Variants in GRIN3A observed in about 807,000 individuals in gnomAD.
GRIN3A encodes the protein glutamate ionotropic receptor NMDA type subunit 3A, also known as glutamate receptor ionotropic, NMDA 3A.
In GRIN3A, 47 loss-of-function variants were observed where a neutral mutation model predicts 92.4. The ratio of observed to expected loss-of-function variants is 0.51; its 90% CI spans 0.40 to 0.65. The LOEUF is 0.65. GRIN3A is among the 30% of genes least tolerant of loss of function. The pLI, the probability that GRIN3A is intolerant of heterozygous loss-of-function variation, is 0.00. For missense variants in GRIN3A, 1,324 were observed against 1,393.1 expected, an observed-to-expected ratio of 0.95 and a Z score of 0.79; for synonymous variants, 527 against 540.6, an observed-to-expected ratio of 0.97 and a Z score of 0.35.
chr9:101,623,236 T>G, intron 5 of GRIN3A, 82 bp downstream of exon 5: 1 of 889,306 alleles, frequency 1.1e-6, no homozygotes, highest in South Asian at 1.3e-5. Context: ...TCTTTGCTTC[T>G]GACTTTGGCA....
chr9:101,612,204 C>T (rs192953373), intron 6 of GRIN3A, among the ~76,000 whole-genome samples: 34 of 152,188 alleles, frequency 2.2e-4, no homozygotes, highest in African/African-American at 7.7e-4. Context: ...GGCTTGGACT[C>T]GAGTGACAAC....
intron 1 of GRIN3A, among the ~76,000 whole-genome samples, chr9:101,708,646 C>T (rs892880854): frequency 1.3e-5 from 2 of 152,060 alleles, no homozygotes; most frequent in East Asian, 3.8e-4. Flanking sequence ...GCTAAGAGAT[C>T]CAGAATTAAA....
At chr9:101,655,901 A>G (rs1829083839) in intron 3 of GRIN3A, among the ~76,000 whole-genome samples, 1 of 151,988 alleles carries the variant, frequency 6.6e-6, no homozygotes, top group Non-Finnish European at 1.5e-5. Flanking sequence ...AGTATGTAAT[A>G]CTTTTTCCAC....
intron 3 of GRIN3A, among the ~76,000 whole-genome samples, chr9:101,665,144 A>G (rs1829222519): frequency 6.6e-6 from 1 of 152,020 alleles, no homozygotes; most frequent in South Asian, 2.1e-4. Context: ...TATTACATGC[A>G]ACAGAAATGT....
At chr9:101,633,603 G>A (rs188398254) in intron 3 of GRIN3A, among the ~76,000 whole-genome samples, 50 of 152,296 alleles carry the variant, frequency 3.3e-4, no homozygotes, top group African/African-American at 1.1e-3. Context: ...CTCCTGTAAG[G>A]TCAGCAGCGG....
chr9:101,610,831 G>T (rs906119575), intron 6 of GRIN3A, among the ~76,000 whole-genome samples: 4 of 152,132 alleles, frequency 2.6e-5, no homozygotes, highest in Admixed American at 1.3e-4. Context: ...AGGCGCGGTG[G>T]CTCATGCCTG....
chr9:101,651,776 T>C (rs1829018435), intron 3 of GRIN3A, among the ~76,000 whole-genome samples: 1 of 151,970 alleles, frequency 6.6e-6, no homozygotes, highest in East Asian at 1.9e-4. Context: ...TCTGAGCTGC[T>C]TCTGAGATTT....
At chr9:101,709,527 A>G (rs1829853066) in intron 1 of GRIN3A, among the ~76,000 whole-genome samples, 1 of 152,218 alleles carries the variant, frequency 6.6e-6, no homozygotes, top group Non-Finnish European at 1.5e-5. Context: ...CTAAGTTCTC[A>G]GAAGGACCTC....
intron 3 of GRIN3A, among the ~76,000 whole-genome samples, chr9:101,644,655 G>A (rs1828912967): frequency 1.3e-5 from 2 of 151,576 alleles, no homozygotes; most frequent in Non-Finnish European, 1.5e-5. Flanking sequence ...CAAGTAATTC[G>A]TGACTCCATT....
intron 1 of GRIN3A, among the ~76,000 whole-genome samples, chr9:101,727,780 G>T (rs1172670723): frequency 6.6e-6 from 1 of 150,964 alleles, no homozygotes; most frequent in Admixed American, 6.6e-5. Flanking sequence ...TTCTTGTCTT[G>T]TGAGACTGGA....
In GRIN3A at chr9:101,701,563, C is replaced by T. The variant is rs975158896; in HGVS notation, c.700-14363G>A. Among the ~76,000 whole-genome samples the T allele has an allele frequency of 6.6e-5, 10 of 151,982 alleles. No homozygotes were observed. The South Asian group carries it at 1.0e-3, about 16-fold the overall frequency. On this transcript the variant is annotated intron_variant, in intron 1 of 8. Coordinates refer to ENST00000361820, the MANE Select transcript of GRIN3A (RefSeq NM_133445.3). ...AGCCTCACTGTAAAACCCCAAACTA[C>T]GAAAACCCTAGGAAAACAAACAAAC...
chr9:101,671,080 G>A lies in GRIN3A; in HGVS notation c.1332C>T (p.Gly444=). The A allele has an allele frequency of 6.2e-7, 1 of 1,613,592 alleles. No homozygotes were observed. Among genetic ancestry groups the A allele is most frequent in the Non-Finnish European group, 8.5e-7 (1 of 1,179,534 alleles). ...SRFLANTTFR[G]LSGSIRVKGS... ...CTTTTACTCTGATGGAACCACTGAG[G>A]CCTCTGAAAGTGGTATTGGCTAGAA... Residue 444 remains glycine, a synonymous_variant, in exon 3 of 9, where the codon GGC becomes GGT. Transcript: ENST00000361820.
chr9:101,673,918 C>G (rs1829360794), intron 2 of GRIN3A, among the ~76,000 whole-genome samples: 1 of 152,054 alleles, frequency 6.6e-6, no homozygotes, highest in Non-Finnish European at 1.5e-5. Flanking sequence ...AGAGGTAAAT[C>G]TGGTGTCACT....
Position 101,670,744 on chromosome 9 carries a change from G to C in GRIN3A, c.1668C>G (p.Ser556Arg), listed in dbSNP as rs1303073103. ...PMTNDSSTLD[S>R]LFSSLHSSND... The stretch of plus-strand genomic sequence containing the variant: ...TACTGCTATGGAGGCTGCTAAAAAG[G>C]CTGTCCAATGTGGAAGAGTCATTAG... The change falls in exon 3 of 9, where the codon AGC becomes AGG. Residue 556 changes from serine to arginine, a missense_variant. Ser to Arg is a moderately radical substitution (Grantham distance 110). Transcript: ENST00000361820. 3.1e-6 allele frequency: 5 copies of C among 1,613,904 alleles called. No homozygotes were observed. The highest frequency in any genetic ancestry group is 1.3e-5 in the African/African-American group (1 of 74,902).
At chr9:101,673,125 T>C (rs1829351303) in intron 2 of GRIN3A, among the ~76,000 whole-genome samples, 1 of 152,144 alleles carries the variant, frequency 6.6e-6, no homozygotes, top group Non-Finnish European at 1.5e-5. Context: ...CCCTTCATTA[T>C]TTTAAGAATG....
chr9:101,709,517 C>CT (rs1380605264), intron 1 of GRIN3A, among the ~76,000 whole-genome samples: 5 of 152,292 alleles, frequency 3.3e-5, no homozygotes, highest in African/African-American at 1.2e-4. Context: ...ACGCTGCCGT[C>CT]TAAGTTCTCA....
intron 2 of GRIN3A, among the ~76,000 whole-genome samples, chr9:101,686,001 C>T (rs148449001): frequency 2.1e-3 from 326 of 152,120 alleles, no homozygotes; most frequent in African/African-American, 7.0e-3. Flanking sequence ...CAAGTTCAGA[C>T]GGTCTGAACT....
intron 1 of GRIN3A, among the ~76,000 whole-genome samples, chr9:101,701,175 G>A (rs530849302): frequency 2.0e-5 from 3 of 152,068 alleles, no homozygotes; most frequent in Admixed American, 1.3e-4. Flanking sequence ...AGTGAGGTGG[G>A]CCCAGAATTA....
intron 3 of GRIN3A, among the ~76,000 whole-genome samples, chr9:101,662,843 A>G (rs554625301): frequency 6.6e-6 from 1 of 151,940 alleles, no homozygotes; most frequent in South Asian, 2.1e-4. Flanking sequence ...CATTTCCATG[A>G]TCTATCATGA....
Sources: allele counts gnomAD v4.1 joint callset (sites outside exome capture counted in the v4.1 genomes callset), GRCh38; gene constraint gnomAD v4.1.1; transcripts MANE v1.5; gene names NCBI Gene and HGNC (gene_info 2026-07-23, HGNC 2026-07-21).